TNIP1: variants seen among roughly 807,000 people sequenced by gnomAD.
TNIP1 encodes the protein TNFAIP3 interacting protein 1, also known as TNFAIP3-interacting protein 1.
TNIP1 carries 22 observed loss-of-function variants against 86.6 expected under a neutral mutation model. The ratio of observed to expected loss-of-function variants is 0.25; its 90% CI spans 0.18 to 0.36. The LOEUF is 0.36. Ranked by LOEUF, TNIP1 falls within the 10% of genes least tolerant of loss-of-function variation. The pLI is 1.00. For missense variants in TNIP1, 709 were observed against 820.6 expected, an observed-to-expected ratio of 0.86 and a Z score of 1.66; for synonymous variants, 294 against 313.0, an observed-to-expected ratio of 0.94 and a Z score of 0.64.
Position 151,056,972 on chromosome 5 carries a change from G to A in TNIP1, c.436-15C>T, listed in dbSNP as rs369209369. ...GGGCCCAGCGCCTGGAGAGGGAAAG[G>A]GCACACGGCCCACTCTTCACCAAGG... On this transcript the variant is annotated splice_polypyrimidine_tract_variant and intron_variant, in intron 5 of 17. Transcript: ENST00000521591. 1.8e-5 allele frequency: 26 copies of A among 1,457,264 alleles called. No homozygotes were observed. In the African/African-American group the frequency reaches 2.8e-4, roughly 15 times the overall value. 90.3% of individuals were successfully genotyped at this position (1,457,264 alleles called of 1,614,324 possible).
chr5:151,057,786 T>C (rs558488748), intron 5 of TNIP1, among the ~76,000 whole-genome samples: 1 of 152,290 alleles, frequency 6.6e-6, no homozygotes, highest in South Asian at 2.1e-4. Context: ...CCCTAAACAA[T>C]ACAGTATACC....
intron 11 of TNIP1, among the ~76,000 whole-genome samples, chr5:151,040,318 G>A (rs980421586): frequency 2.0e-5 from 3 of 152,214 alleles, no homozygotes; most frequent in Non-Finnish European, 4.4e-5. Flanking sequence ...TTTCATAACT[G>A]TGTATTCACA....
chr5:151,077,900 G>A (rs888781395), intron 1 of TNIP1, among the ~76,000 whole-genome samples: 1 of 152,144 alleles, frequency 6.6e-6, no homozygotes, highest in Admixed American at 6.5e-5. Context: ...TCTCCCAACC[G>A]AGGAGAGGCT....
chr5:151,045,012 T>C (rs1758954912), intron 9 of TNIP1, among the ~76,000 whole-genome samples: 1 of 152,364 alleles, frequency 6.6e-6, no homozygotes, highest in South Asian at 2.1e-4. Context: ...TGCTGGCTGG[T>C]CCTTTTCATT....
At chr5:151,062,769 T>C (rs978915271) in intron 3 of TNIP1, among the ~76,000 whole-genome samples, 1 of 152,176 alleles carries the variant, frequency 6.6e-6, no homozygotes, top group African/African-American at 2.4e-5. Context: ...CTCAGGAACA[T>C]TGCTGAATAG....
Position 151,042,631 on chromosome 5 carries a change from T to C in TNIP1, c.1043A>G (p.Gln348Arg), listed in dbSNP as rs1216418827. The change falls in exon 11 of 18, where the codon CAG becomes CGG. Residue 348 changes from glutamine (Q) to arginine (R), a missense_variant. Gln to Arg is a conservative substitution (Grantham distance 43, BLOSUM62 1). Transcript: ENST00000521591. ...CCGCTCGGCCTCCAGGTCAGTCACC[T>C]GCTTCTGCAAATCAGCCAGCTTCTG... ...LRQKLADLQK[Q>R]VTDLEAEREQ... The C allele has an allele frequency of 6.2e-6, 10 of 1,614,040 alleles. No homozygotes were observed. Among genetic ancestry groups the C allele is most frequent in the East Asian group, 2.2e-5 (1 of 44,888 alleles).
intron 5 of TNIP1, among the ~76,000 whole-genome samples, chr5:151,059,168 A>C (rs1157497426): frequency 6.6e-6 from 1 of 152,236 alleles, no homozygotes; most frequent in East Asian, 1.9e-4. Context: ...AGACAGGCAC[A>C]CTGTAGAGCT....
At position 151,030,650 on chromosome 5, in the gene TNIP1, T is replaced by C. The variant is rs769776459; in HGVS notation, c.*63A>G. On this transcript the variant is annotated 3_prime_UTR_variant, in exon 18 of 18. Transcript: ENST00000521591. ...CACCGTGCAAGTGGCTTCTAGTTTCTTGGCAATCTGAGATCAGCTGGCTCT... is the reference window on the plus strand; with the variant it reads ...CACCGTGCAAGTGGCTTCTAGTTTCCTGGCAATCTGAGATCAGCTGGCTCT... The C allele has an allele frequency of 1.1e-5, 18 of 1,612,842 alleles. No individual in the cohort carries two copies. The highest frequency in any genetic ancestry group is 1.5e-5 in the Non-Finnish European group (18 of 1,179,396).
chr5:151,063,525 G>T, intron 3 of TNIP1, 88 bp downstream of exon 3: 2 of 1,544,122 alleles, frequency 1.3e-6, no homozygotes, highest in Non-Finnish European at 1.8e-6. Context: ...GAGAATGTGG[G>T]TTTTGGCATA....
chr5:151,084,538 G>A (rs1224220276), upstream of TNIP1, among the ~76,000 whole-genome samples: 2 of 152,100 alleles, frequency 1.3e-5, no homozygotes, highest in African/African-American at 4.8e-5. Flanking sequence ...GCAGGGACTT[G>A]CGGGAGGTCT....
intron 11 of TNIP1, among the ~76,000 whole-genome samples, chr5:151,039,599 C>A (rs1399371473): frequency 6.6e-6 from 1 of 152,078 alleles, no homozygotes; most frequent in African/African-American, 2.4e-5. Context: ...CCTCAGGAGG[C>A]CTGTGAGCCC....
chr5:151,051,965 C>T (rs1473492170), intron 7 of TNIP1, among the ~76,000 whole-genome samples, 200 bp downstream of exon 7: 1 of 152,162 alleles, frequency 6.6e-6, no homozygotes, highest in Non-Finnish European at 1.5e-5. Flanking sequence ...GCACTCTATA[C>T]ACCTCCCAAG....
At chr5:151,038,017 T>A (rs1036514278) in intron 12 of TNIP1, among the ~76,000 whole-genome samples, 3 of 152,200 alleles carry the variant, frequency 2.0e-5, no homozygotes, top group African/African-American at 4.8e-5. Context: ...ATGGTGTCTG[T>A]CCCTGGCTCT....
chr5:151,074,546 C>A (rs1252096334), intron 1 of TNIP1, among the ~76,000 whole-genome samples: 3 of 152,166 alleles, frequency 2.0e-5, no homozygotes, highest in Admixed American at 1.3e-4. Flanking sequence ...CCATAGAGTT[C>A]TCTGTAAACC....
chr5:151,054,641 T>C (rs1321533909), intron 6 of TNIP1, among the ~76,000 whole-genome samples: 1 of 152,142 alleles, frequency 6.6e-6, no homozygotes, highest in Non-Finnish European at 1.5e-5. Context: ...GTCGCACCAC[T>C]GCACTCCAGC....
Position 151,042,443 on chromosome 5 carries a change from G to A in TNIP1, c.1134+97C>T, listed in dbSNP as rs116295555. The A allele has an allele frequency of 1.0e-3, 1,542 of 1,522,498 alleles. 17 individuals are homozygous for A. The African/African-American group carries it at 0.018, about 18-fold the overall frequency. The allele number at this position is 1,522,498 out of a possible 1,614,324, so 94.3% of individuals were successfully genotyped here. The stretch of plus-strand genomic sequence containing the variant: ...CCTAGCTCTTTCGCACTAGACCCCC[G>A]GGTCTCCTGACTCCTGCCCCTGGCT... On this transcript the variant is annotated intron_variant, in intron 11 of 17. Coordinates refer to ENST00000521591, the MANE Select transcript of TNIP1 (RefSeq NM_006058.5).
At position 151,036,873 on chromosome 5, in the gene TNIP1, T is replaced by C; in HGVS notation, c.1312A>G (p.Thr438Ala). The stretch of plus-strand genomic sequence containing the variant: ...GCTCCTTCTGGGCTCCCAAATGCTG[T>C]TGGTGGAGATGATGGCGGGGTTTGG... ...SIQTPPSSPP[T>A]AFGSPEGAGA... The change falls in exon 13 of 18, where the codon ACA (threonine) becomes GCA (alanine). Residue 438 changes from threonine to alanine, a missense_variant. Physicochemically the swap from Thr to Ala is moderately conservative, Grantham distance 58. Coordinates refer to ENST00000521591, the MANE Select transcript of TNIP1 (RefSeq NM_006058.5). 2.5e-6 allele frequency: 4 copies of C among 1,612,982 alleles called. No homozygotes were observed. The highest frequency in any genetic ancestry group is 3.4e-6 in the Non-Finnish European group (4 of 1,179,430).
At chr5:151,042,221 C>T (rs1758514794) in intron 11 of TNIP1, among the ~76,000 whole-genome samples, 1 of 152,042 alleles carries the variant, frequency 6.6e-6, no homozygotes, top group African/African-American at 2.4e-5. Flanking sequence ...GATTGTGAGC[C>T]ATCGTGCCCG....
At chr5:151,072,796 A>C (rs1168936538) in intron 1 of TNIP1, among the ~76,000 whole-genome samples, 2 of 152,172 alleles carry the variant, frequency 1.3e-5, no homozygotes, top group African/African-American at 4.8e-5. Flanking sequence ...TAGGTAGTAT[A>C]TTCCTATTGA....
Sources: allele counts gnomAD v4.1 joint callset (sites outside exome capture counted in the v4.1 genomes callset), GRCh38; gene constraint gnomAD v4.1.1; transcripts MANE v1.5; gene names NCBI Gene and HGNC (gene_info 2026-07-23, HGNC 2026-07-21).